CLDN16: variants seen among roughly 807,000 people sequenced by gnomAD.
The protein encoded by CLDN16 is claudin 16.
CLDN16 carries 13 observed loss-of-function variants against 24.6 expected under a neutral mutation model. That is an observed-to-expected ratio of 0.53 (90% CI 0.34 to 0.84). The LOEUF (loss-of-function observed/expected upper bound fraction) is 0.84, where lower values mean the gene tolerates loss of function less well. Among genes scored for constraint, CLDN16 ranks in the 40% least tolerant of loss-of-function variants. The pLI is 0.01. For missense variants in CLDN16, 298 were observed against 292.7 expected, an observed-to-expected ratio of 1.02 and a Z score of -0.13; for synonymous variants, 116 against 106.7, an observed-to-expected ratio of 1.09 and a Z score of -0.54.
At chr3:190,321,957 G>A (rs748805186), upstream of CLDN16, 20 of 1,595,048 alleles carry the variant, frequency 1.3e-5, 1 homozygote, top group African/African-American at 2.7e-4. Flanking sequence ...CCTCTGGACG[G>A]CCGCTGTGAG....
intron 1 of CLDN16, among the ~76,000 whole-genome samples, chr3:190,364,784 C>T (rs1038081821): frequency 1.3e-5 from 2 of 151,552 alleles, no homozygotes; most frequent in Admixed American, 1.3e-4. Context: ...GACATATTCC[C>T]AAATGTGGAA....
chr3:190,295,520 C>T, the CLDN16 span, among the ~76,000 whole-genome samples: 3 of 152,154 alleles, frequency 2.0e-5, no homozygotes, highest in East Asian at 5.8e-4. Context: ...TAATACCAAC[C>T]TACTTAATTT....
intron 3 of CLDN16, 130 bp from the exon 4 acceptor site, chr3:190,408,184 G>T (rs1719154514): frequency 1.2e-6 from 1 of 869,446 alleles, no homozygotes; most frequent in Non-Finnish European, 2.0e-6. Flanking sequence ...AGTTCGGGTT[G>T]CCCATGAATC....
At chr3:190,297,355 A>G in the CLDN16 span, among the ~76,000 whole-genome samples, 1 of 151,158 alleles carries the variant, frequency 6.6e-6, no homozygotes, top group African/African-American at 2.4e-5. Flanking sequence ...ATATTTGAAA[A>G]CGGGGAAAGG....
chr3:190,354,838 A>G (rs143891915), intron 1 of CLDN16, among the ~76,000 whole-genome samples: 159 of 152,086 alleles, frequency 1.0e-3, no homozygotes, highest in African/African-American at 3.7e-3. Context: ...TGTCCCTGAT[A>G]TTAGATCCAT....
At chr3:190,391,588 T>C (rs766179939) in intron 1 of CLDN16, among the ~76,000 whole-genome samples, 2 of 152,252 alleles carry the variant, frequency 1.3e-5, no homozygotes, top group South Asian at 2.1e-4. Flanking sequence ...CATTTCAAAT[T>C]GTAGAAATGG....
At chr3:190,315,805 G>A in the CLDN16 span, among the ~76,000 whole-genome samples, 2 of 152,130 alleles carry the variant, frequency 1.3e-5, no homozygotes, top group Non-Finnish European at 1.5e-5. Context: ...GCAGGTCTGA[G>A]CACTTAGATC....
chr3:190,301,266 G>A, the CLDN16 span, among the ~76,000 whole-genome samples: 1 of 152,112 alleles, frequency 6.6e-6, no homozygotes, highest in Non-Finnish European at 1.5e-5. Context: ...AGACTGAGGT[G>A]GATGAATTAC....
intron 3 of CLDN16, among the ~76,000 whole-genome samples, chr3:190,382,205 T>C (rs1718384935): frequency 6.6e-6 from 1 of 152,082 alleles, no homozygotes; most frequent in Non-Finnish European, 1.5e-5. Flanking sequence ...TGTTAACCTT[T>C]CACATTAGGT....
chr3:190,375,557 A>T (rs1435170751), intron 3 of CLDN16, among the ~76,000 whole-genome samples: 2 of 151,974 alleles, frequency 1.3e-5, no homozygotes, highest in Non-Finnish European at 2.9e-5. Context: ...AGCAGATAGC[A>T]GGGGGTTAAA....
At chr3:190,408,971 A>G (rs1719189352) in intron 4 of CLDN16, among the ~76,000 whole-genome samples, 1 of 150,580 alleles carries the variant, frequency 6.6e-6, no homozygotes, top group African/African-American at 2.4e-5. Context: ...ATGTATACAT[A>G]TATGTATAAT....
the CLDN16 span, chr3:190,308,137 GT>G: frequency 5.8e-6 from 6 of 1,026,134 alleles, no homozygotes; most frequent in Non-Finnish European, 4.5e-6. Context: ...TAACACATGG[GT>G]TTTTTGTTTG....
At chr3:190,407,152 G>A (rs1719126579) in intron 3 of CLDN16, among the ~76,000 whole-genome samples, 1 of 151,990 alleles carries the variant, frequency 6.6e-6, no homozygotes, top group South Asian at 2.1e-4. Context: ...AAAATTTTTT[G>A]GAGACTACAT....
chr3:190,381,521 C>T (rs1449651253), intron 3 of CLDN16, among the ~76,000 whole-genome samples: 1 of 152,124 alleles, frequency 6.6e-6, no homozygotes, highest in Non-Finnish European at 1.5e-5. Flanking sequence ...AGTACTCACT[C>T]ACTGCTTCTT....
intron 1 of CLDN16, among the ~76,000 whole-genome samples, chr3:190,363,595 T>TATA: frequency 7.2e-6 from 1 of 139,524 alleles, no homozygotes; most frequent in Non-Finnish European, 1.6e-5. Context: ...TATATATATA[T>TATA]ATTTTCTTTC....
intron 1 of CLDN16, among the ~76,000 whole-genome samples, chr3:190,399,735 T>C (rs546757936): frequency 5.9e-5 from 9 of 152,286 alleles, no homozygotes; most frequent in Middle Eastern, 3.4e-3. Flanking sequence ...ATAGCCATCC[T>C]AGAGTGCTAT....
chr3:190,294,268 T>G, the CLDN16 span, among the ~76,000 whole-genome samples: 1 of 152,134 alleles, frequency 6.6e-6, no homozygotes, highest in Admixed American at 6.5e-5. Flanking sequence ...AGTAGACACT[T>G]AGTTCAACTA....
intron 1 of CLDN16, among the ~76,000 whole-genome samples, chr3:190,361,365 C>G (rs1037841819): frequency 3.3e-5 from 5 of 152,098 alleles, no homozygotes; most frequent in African/African-American, 1.2e-4. Flanking sequence ...GCCATCTTGC[C>G]TTTAACCTGT....
At chr3:190,312,967 G>T in the CLDN16 span, 1 of 1,614,140 alleles carries the variant, frequency 6.2e-7, no homozygotes, top group Non-Finnish European at 8.5e-7. Flanking sequence ...GCCAACGGTG[G>T]CCACAAAGAT....
Sources: gnomAD v4.1 joint callset for allele counts (sites outside exome capture counted in the v4.1 genomes callset) on GRCh38, gnomAD v4.1.1 for gene constraint, MANE v1.5 for transcripts, NCBI Gene and HGNC (gene_info 2026-07-23, HGNC 2026-07-21) for gene names.